Variants in ANO2 observed in about 807,000 individuals in gnomAD.
ANO2 encodes the protein anoctamin-2.
A neutral mutation model predicts 124.2 loss-of-function variants in ANO2; 101 were observed. That is an observed-to-expected ratio of 0.81 (90% CI 0.69 to 0.96). The LOEUF (loss-of-function observed/expected upper bound fraction) is 0.96, where lower values mean the gene tolerates loss of function less well. Ranked by LOEUF, ANO2 falls within the 40% of genes least tolerant of loss-of-function variation. The pLI, the probability that ANO2 is intolerant of heterozygous loss-of-function variation, is 0.00. For synonymous variants in ANO2, 486 were observed against 482.5 expected (o/e 1.01, Z -0.09); for missense variants, 1,293 against 1,274.5 (o/e 1.01, Z -0.22).
intron 10 of ANO2, among the ~76,000 whole-genome samples, chr12:5,793,075 A>G (rs888396506): frequency 1.3e-5 from 2 of 152,198 alleles, no homozygotes; most frequent in African/African-American, 4.8e-5. Flanking sequence ...AAGCTTAGGT[A>G]TATGAGCACT....
At chr12:5,622,872 G>A in intron 16 of ANO2, among the ~76,000 whole-genome samples, 1 of 149,890 alleles carries the variant, frequency 6.7e-6, no homozygotes, top group Non-Finnish European at 1.5e-5. Context: ...GCTGAGGCGT[G>A]AAAATCTCTT....
chr12:5,812,996 A>C (rs1953479674), intron 7 of ANO2, among the ~76,000 whole-genome samples: 1 of 27,742 alleles, frequency 3.6e-5, no homozygotes, highest in African/African-American at 6.1e-5. Flanking sequence ...GTAAGCAAAC[A>C]AGCAAGAAAG....
At chr12:5,879,227 T>A (rs1170676957) in intron 3 of ANO2, among the ~76,000 whole-genome samples, 1 of 151,204 alleles carries the variant, frequency 6.6e-6, no homozygotes, top group Non-Finnish European at 1.5e-5. Context: ...AAATCATCAA[T>A]AATCAGCAGA....
intron 9 of ANO2, among the ~76,000 whole-genome samples, chr12:5,802,560 C>T (rs998746529): frequency 6.6e-6 from 1 of 152,214 alleles, no homozygotes; most frequent in South Asian, 2.1e-4. Flanking sequence ...GTGGATCATG[C>T]TGAACTCCAG....
intron 19 of ANO2, among the ~76,000 whole-genome samples, chr12:5,610,206 AATACTTATATAAATAT>A (rs1281208154): frequency 9.3e-5 from 12 of 129,630 alleles, no homozygotes; most frequent in African/African-American, 1.8e-4. Flanking sequence ...TACTTATATA[AATACTTATATAAATAT>A]ATACTTATAT....
rs1439308563 is a variant in ANO2 at position 5,800,466 on chromosome 12, G to T, written c.991-895C>A. Among the ~76,000 whole-genome samples the T allele has an allele frequency of 2.0e-5, 3 of 152,350 alleles. No individual in the cohort carries two copies. The East Asian group carries it at 5.8e-4, about 29-fold the overall frequency. ...GGCTGCTGTGTGGAGAACAGACTGA[G>T]AGTGATCAGAGGCATAGGGAAGTTA... On this transcript the variant is annotated intron_variant, in intron 9 of 24. Transcript: ENST00000682330.
intron 6 of ANO2, among the ~76,000 whole-genome samples, chr12:5,829,960 A>G (rs1227982665): frequency 6.6e-6 from 1 of 152,184 alleles, no homozygotes; most frequent in Non-Finnish European, 1.5e-5. Flanking sequence ...AGAAATTCAC[A>G]TGACTCTGTC....
chr12:5,834,980 G>A (rs1383297636), intron 4 of ANO2, among the ~76,000 whole-genome samples: 1 of 152,080 alleles, frequency 6.6e-6, no homozygotes, highest in Non-Finnish European at 1.5e-5. Flanking sequence ...TACAGCTACT[G>A]TAATGGATGC....
Position 5,744,175 on chromosome 12 carries a change from T to C in ANO2, c.1333A>G (p.Ile445Val). The change falls in exon 12 of 25, where the codon ATC becomes GTC. Residue 445 changes from isoleucine (I) to valine (V), a missense_variant. By Grantham distance (29) the Ile-to-Val change is conservative. Transcript: ENST00000682330. ...CACATACCCCACAGAGCCATGAAGATAGAGAAGAAGACGGTGGCAGGGTTG... is the reference window on the plus strand; with the variant it reads ...CACATACCCCACAGAGCCATGAAGACAGAGAAGAAGACGGTGGCAGGGTTG... ...FDNPATVFFS[I>V]FMALWATMFL... 1 of 1,613,138 alleles carries C rather than the reference T, an allele frequency of 6.2e-7. No homozygotes were observed. The highest frequency in any genetic ancestry group is 8.5e-7 in the Non-Finnish European group (1 of 1,179,858).
chr12:5,937,542 T>C (rs969942524), intron 1 of ANO2, among the ~76,000 whole-genome samples: 5 of 152,226 alleles, frequency 3.3e-5, no homozygotes, highest in Admixed American at 2.6e-4. Context: ...TGTCTCTTTT[T>C]CATGGATCAC....
At chr12:5,817,358 G>A (rs1437980741) in intron 7 of ANO2, among the ~76,000 whole-genome samples, 1 of 152,196 alleles carries the variant, frequency 6.6e-6, no homozygotes, top group Non-Finnish European at 1.5e-5. Flanking sequence ...AGCAGGCTGG[G>A]CATTTTTAAA....
chr12:5,585,667 T>A (rs975133048), intron 20 of ANO2, among the ~76,000 whole-genome samples: 3 of 152,228 alleles, frequency 2.0e-5, no homozygotes, highest in African/African-American at 7.2e-5. Context: ...ACCTGCAAGA[T>A]GGGAGTGTGA....
chr12:5,897,989 T>C (rs978548485), intron 3 of ANO2, among the ~76,000 whole-genome samples: 2 of 152,076 alleles, frequency 1.3e-5, no homozygotes, highest in Non-Finnish European at 2.9e-5. Context: ...GCAAAATATA[T>C]ACTCAACAAA....
intron 7 of ANO2, among the ~76,000 whole-genome samples, chr12:5,815,853 C>T (rs143028442): frequency 1.3e-5 from 2 of 152,118 alleles, no homozygotes; most frequent in East Asian, 3.9e-4. Flanking sequence ...ATAAATATAT[C>T]ACTACATACT....
intron 3 of ANO2, 146 bp downstream of exon 3, chr12:5,920,894 G>C (rs1285656494): frequency 2.0e-6 from 2 of 1,011,212 alleles, no homozygotes; most frequent in Admixed American, 2.9e-5. Flanking sequence ...AAAAAAGAAA[G>C]AAACAAAATC....
chr12:5,752,810 T>C (rs77357297), intron 10 of ANO2, among the ~76,000 whole-genome samples: 9,805 of 152,242 alleles, frequency 0.064, 425 homozygotes, highest in African/African-American at 0.12. Flanking sequence ...GAAGCTTTTT[T>C]CCCCTGTTTT....
intron 3 of ANO2, among the ~76,000 whole-genome samples, chr12:5,873,090 A>G (rs1209629589): frequency 6.6e-6 from 1 of 152,194 alleles, no homozygotes; most frequent in Admixed American, 6.5e-5. Context: ...ACTGTAAATC[A>G]CTAATTTCCA....
Position 5,615,173 on chromosome 12 carries a change from C to T in ANO2, c.1928+13G>A, listed in dbSNP as rs781732613. ...GCAAATTGCCTTTCTACACATGACA[C>T]CATTATACTCACCTCCCTTTGAAAA... On this transcript the variant is annotated intron_variant, in intron 17 of 24. Transcript: ENST00000682330. The T allele has an allele frequency of 2.5e-6, 4 of 1,607,690 alleles. No homozygotes were observed. Among genetic ancestry groups the T allele is most frequent in the Non-Finnish European group, 3.4e-6 (4 of 1,175,868 alleles).
At position 5,787,518 on chromosome 12, in the gene ANO2, TTAA is replaced by T. The variant is rs1017557707; in HGVS notation, c.1055+11986_1055+11988del. 3.9e-5 allele frequency among the ~76,000 whole-genome samples: 6 copies of T among 152,134 alleles called. No individual in the cohort carries two copies. Among genetic ancestry groups the T allele is most frequent in the South Asian group, 2.1e-4 (1 of 4,820 alleles). The stretch of plus-strand genomic sequence containing the variant: ...CACCAACCTTGTGACTTTGGGCCAC[TTAA>T]TAATGTCTTTGTGCTTCAATTTCCT... On this transcript the variant is annotated intron_variant, in intron 10 of 24. Transcript: ENST00000682330. The surrounding 1 kb of genome is among the most constrained non-coding windows in gnomAD (Gnocchi z 4.2).
Sources: gnomAD v4.1 joint callset for allele counts (sites outside exome capture counted in the v4.1 genomes callset) on GRCh38, gnomAD v4.1.1 for gene constraint, Gnocchi (gnomAD v3.1) non-coding constraint, MANE v1.5 for transcripts, NCBI Gene and HGNC (gene_info 2026-07-23, HGNC 2026-07-21) for gene names.